CCDC178: variants seen among roughly 807,000 people sequenced by gnomAD.
CCDC178 encodes coiled-coil domain containing 178.
Under a neutral mutation model 117.4 loss-of-function variants are expected in CCDC178, and 126 were observed. The observed-to-expected ratio is 1.07, with a 90% CI of 0.93 to 1.24. CCDC178 has a LOEUF of 1.24. Ranked by LOEUF, CCDC178 falls within the 50% of genes most tolerant of loss-of-function variation. CCDC178 has a pLI of 0.00. For missense variants in CCDC178, 1,030 were observed against 986.9 expected (o/e 1.04, Z -0.59); for synonymous variants, 283 against 313.4 (o/e 0.90, Z 1.02).
intron 20 of CCDC178, among the ~76,000 whole-genome samples, chr18:33,188,074 T>C (rs2058817181): frequency 6.6e-6 from 1 of 152,068 alleles, no homozygotes; most frequent in Admixed American, 6.6e-5. Context: ...AAATCAATTA[T>C]CTGAATGCAA....
chr18:33,094,702 A>C (rs2057517234), intron 20 of CCDC178, among the ~76,000 whole-genome samples: 1 of 151,984 alleles, frequency 6.6e-6, no homozygotes, highest in South Asian at 2.1e-4. Context: ...TTTTATTTCT[A>C]AATGCATACA....
At chr18:33,314,333 A>C (rs1042427714) in intron 11 of CCDC178, among the ~76,000 whole-genome samples, 4 of 152,072 alleles carry the variant, frequency 2.6e-5, no homozygotes, top group African/African-American at 9.7e-5. Flanking sequence ...GGATCTAAAA[A>C]TTCAATGGTG....
Position 33,370,192 on chromosome 18 carries a change from A to T in CCDC178, c.209-3T>A. On this transcript the variant is annotated splice_polypyrimidine_tract_variant and splice_region_variant and intron_variant, in intron 5 of 22. Transcript: ENST00000383096. ...AAAGTAAATGCCTTTATTCACCCCT[A>T]AAGAGAACAAATAGAAGTTCATTAC... 6.3e-7 allele frequency: 1 copy of T among 1,583,162 alleles called. No homozygotes were observed. Among genetic ancestry groups the T allele is most frequent in the Non-Finnish European group, 8.6e-7 (1 of 1,166,076 alleles).
intron 14 of CCDC178, among the ~76,000 whole-genome samples, chr18:33,256,673 C>T (rs1277649927): frequency 6.6e-6 from 1 of 151,918 alleles, no homozygotes; most frequent in Non-Finnish European, 1.5e-5. Flanking sequence ...CCATTCTTTC[C>T]TTTATTTCTC....
At chr18:33,188,674 T>C (rs2058823344) in intron 20 of CCDC178, among the ~76,000 whole-genome samples, 1 of 152,156 alleles carries the variant, frequency 6.6e-6, no homozygotes, top group South Asian at 2.1e-4. Flanking sequence ...CCACAGGAAC[T>C]GAATTCAGCC....
At chr18:33,289,097 T>C (rs2060135858) in intron 12 of CCDC178, among the ~76,000 whole-genome samples, 2 of 152,136 alleles carry the variant, frequency 1.3e-5, no homozygotes, top group South Asian at 4.1e-4. Flanking sequence ...TTTTTGTTTG[T>C]TTGTTTTTGT....
chr18:33,036,845 T>A (rs922732349), intron 21 of CCDC178, among the ~76,000 whole-genome samples: 1 of 151,972 alleles, frequency 6.6e-6, no homozygotes, highest in African/African-American at 2.4e-5. Context: ...AGGAAGCGGT[T>A]GGTGTAATCC....
At chr18:33,145,661 G>C (rs1457002063) in intron 20 of CCDC178, among the ~76,000 whole-genome samples, 1 of 152,158 alleles carries the variant, frequency 6.6e-6, no homozygotes, top group Non-Finnish European at 1.5e-5. Context: ...GCACAAATGG[G>C]TCATGAACAG....
In CCDC178 at chr18:33,370,150, C is replaced by T. The variant is rs749454417; in HGVS notation, c.248G>A (p.Arg83His). 2.1e-5 allele frequency: 34 copies of T among 1,604,214 alleles called. No individual in the cohort carries two copies. In the Admixed American group the frequency reaches 2.7e-4, roughly 13 times the overall value. ...KGIYFSYPCR[R>H]HSCAVVNIPA... is the part of the protein sequence containing the mutation. The stretch of plus-strand genomic sequence containing the variant: ...AATATTTACTACGGCACAGCTGTGA[C>T]GTCGACATGGGTAGCTAAAGTAAAT... The change falls in exon 6 of 23, where the codon CGT becomes CAT. Residue 83 changes from arginine to histidine, a missense_variant. By Grantham distance (29) the Arg-to-His change is conservative. Transcript: ENST00000383096.
At chr18:33,357,407 T>C (rs1386567504) in intron 6 of CCDC178, among the ~76,000 whole-genome samples, 1 of 152,194 alleles carries the variant, frequency 6.6e-6, no homozygotes. Flanking sequence ...CCCACCTAAT[T>C]GTTCTGACCT....
intron 5 of CCDC178, among the ~76,000 whole-genome samples, chr18:33,380,277 C>T (rs2063424714): frequency 6.6e-6 from 1 of 152,194 alleles, no homozygotes; most frequent in Non-Finnish European, 1.5e-5. Flanking sequence ...TAATTAAGCA[C>T]TTTCCACATT....
At chr18:33,369,907 A>T in intron 6 of CCDC178, 143 bp downstream of exon 6, 1 of 634,426 alleles carries the variant, frequency 1.6e-6, no homozygotes, top group Non-Finnish European at 2.5e-6. Flanking sequence ...AGACTAGTAA[A>T]TGATGCAACT....
intron 6 of CCDC178, among the ~76,000 whole-genome samples, chr18:33,365,930 T>C (rs997306939): frequency 6.6e-6 from 1 of 152,038 alleles, no homozygotes; most frequent in African/African-American, 2.4e-5. Flanking sequence ...AAACAAAATA[T>C]GGGGAAAATT....
At chr18:33,196,420 C>G (rs942556565) in intron 20 of CCDC178, among the ~76,000 whole-genome samples, 6 of 152,118 alleles carry the variant, frequency 3.9e-5, no homozygotes, top group Admixed American at 1.3e-4. Flanking sequence ...TATATGTTTC[C>G]CCTTGGCTAA....
intron 10 of CCDC178, 63 bp from the exon 11 acceptor site, chr18:33,323,696 A>T: frequency 1.0e-6 from 1 of 1,002,590 alleles, no homozygotes; most frequent in Non-Finnish European, 1.4e-6. Context: ...TAATAACTTC[A>T]ACTTAGTGTA....
chr18:33,383,378 A>T (rs1278919131), intron 5 of CCDC178, among the ~76,000 whole-genome samples: 13 of 151,396 alleles, frequency 8.6e-5, no homozygotes. Flanking sequence ...GGGACAGATG[A>T]CCCCCTCAAG....
chr18:33,394,946 T>TGTATATAC (rs2063613450), intron 4 of CCDC178, among the ~76,000 whole-genome samples: 1 of 30,868 alleles, frequency 3.2e-5, no homozygotes, highest in Non-Finnish European at 6.0e-5. Context: ...TGTATGTGTA[T>TGTATATAC]ATATATATAT....
At chr18:32,974,790 A>G (rs891568802) in intron 21 of CCDC178, 109 bp from the exon 22 acceptor site, 5 of 1,030,488 alleles carry the variant, frequency 4.9e-6, no homozygotes, top group Non-Finnish European at 7.2e-6. Flanking sequence ...TCAATAGCCC[A>G]TTCTGCACTG....
intron 10 of CCDC178, among the ~76,000 whole-genome samples, chr18:33,327,737 T>G (rs1394880292): frequency 6.6e-6 from 1 of 152,144 alleles, no homozygotes; most frequent in African/African-American, 2.4e-5. Flanking sequence ...TTGCTGCCCA[T>G]TTGTATGTCT....
Sources: allele counts gnomAD v4.1 joint callset (sites outside exome capture counted in the v4.1 genomes callset), GRCh38; gene constraint gnomAD v4.1.1; transcripts MANE v1.5; gene names NCBI Gene and HGNC (gene_info 2026-07-23, HGNC 2026-07-21).